PTPRD: variants seen among roughly 807,000 people sequenced by gnomAD.
The protein encoded by PTPRD is receptor-type tyrosine-protein phosphatase delta.
Under a neutral mutation model 214.5 loss-of-function variants are expected in PTPRD, and 34 were observed. The ratio of observed to expected loss-of-function variants is 0.16; its 90% CI spans 0.12 to 0.21. The LOEUF (loss-of-function observed/expected upper bound fraction) is 0.21, where lower values mean the gene tolerates loss of function less well. Among genes scored for constraint, PTPRD ranks in the 10% least tolerant of loss-of-function variants. The pLI is 1.00. For synonymous variants in PTPRD, 1,128 were observed against 845.7 expected (o/e 1.33, Z -5.79); for missense variants, 2,545 against 2,398.7 (o/e 1.06, Z -1.27).
chr9:8,638,361 CTGTT>C (rs1347633858), intron 12 of PTPRD, among the ~76,000 whole-genome samples: 1 of 151,962 alleles, frequency 6.6e-6, no homozygotes, highest in South Asian at 2.1e-4. Flanking sequence ...TGTTCTGACT[CTGTT>C]TGGTTTTCTT....
In PTPRD at chr9:8,353,830, A is replaced by ATGTGTATATG. The variant is rs139972204; in HGVS notation, c.4662-11853_4662-11852insCATATACACA. On this transcript the variant is annotated intron_variant, in intron 39 of 45. Coordinates refer to ENST00000381196, the MANE Select transcript of PTPRD (RefSeq NM_002839.4). ...TTCTCAAAAAAAAATATATGTATATATGTATATATGTATATATGTATATAT... is the reference window on the plus strand; with the variant it reads ...TTCTCAAAAAAAAATATATGTATATATGTGTATATGTGTATATATGTATATATGTATATAT... Among the ~76,000 whole-genome samples, 3 of 27,674 alleles carry ATGTGTATATG rather than the reference A, an allele frequency of 1.1e-4. 1 individual carries two copies. Among genetic ancestry groups the ATGTGTATATG allele is most frequent in the African/African-American group, 3.8e-4 (3 of 7,840 alleles). 18.2% of individuals were successfully genotyped at this position (27,674 alleles called of 152,430 possible).
intron 10 of PTPRD, among the ~76,000 whole-genome samples, chr9:9,141,309 T>A (rs557143441): frequency 6.6e-6 from 1 of 150,866 alleles, no homozygotes; most frequent in Non-Finnish European, 1.5e-5. Flanking sequence ...AGTCATTTCA[T>A]GGAACACGGC....
chr9:8,608,716 T>A (rs2095333568), intron 14 of PTPRD, among the ~76,000 whole-genome samples: 1 of 152,162 alleles, frequency 6.6e-6, no homozygotes, highest in African/African-American at 2.4e-5. Flanking sequence ...ATGGATGATG[T>A]AAACAGAACT....
intron 5 of PTPRD, among the ~76,000 whole-genome samples, chr9:9,841,817 C>T (rs2058392753): frequency 6.6e-6 from 1 of 151,950 alleles, no homozygotes; most frequent in African/African-American, 2.4e-5. Flanking sequence ...CATTCATGTA[C>T]CTTAGGTTAA....
At chr9:9,919,575 C>T (rs138010047) in intron 5 of PTPRD, among the ~76,000 whole-genome samples, 4 of 152,170 alleles carry the variant, frequency 2.6e-5, no homozygotes, top group African/African-American at 9.7e-5. Flanking sequence ...TGTAACTCCC[C>T]TATCAGCACA....
intron 10 of PTPRD, among the ~76,000 whole-genome samples, chr9:9,077,172 T>C (rs1294124206): frequency 6.7e-6 from 1 of 150,332 alleles, no homozygotes; most frequent in African/African-American, 2.4e-5. Flanking sequence ...TTTTTTTCTG[T>C]AGAGTTGGTT....
intron 10 of PTPRD, among the ~76,000 whole-genome samples, chr9:9,115,098 G>A (rs909549953): frequency 6.6e-6 from 1 of 152,128 alleles, no homozygotes; most frequent in Non-Finnish European, 1.5e-5. Context: ...AGTCTACGGT[G>A]TTGTTGGAGG....
intron 7 of PTPRD, among the ~76,000 whole-genome samples, chr9:9,659,610 C>A (rs2096584736): frequency 6.6e-6 from 1 of 151,712 alleles, no homozygotes; most frequent in Non-Finnish European, 1.5e-5. Context: ...ATACAAAATA[C>A]CCTGAAAAAA....
At chr9:8,720,572 C>A (rs561853639) in intron 12 of PTPRD, among the ~76,000 whole-genome samples, 8 of 152,258 alleles carry the variant, frequency 5.3e-5, no homozygotes, top group African/African-American at 1.4e-4. Context: ...GACCTTACTG[C>A]TGACAATTTA....
At chr9:8,429,240 T>A (rs1305874243) in intron 35 of PTPRD, among the ~76,000 whole-genome samples, 2 of 144,956 alleles carry the variant, frequency 1.4e-5, no homozygotes, top group African/African-American at 5.0e-5. Flanking sequence ...TTATATCAGG[T>A]AAGTTAAGGT....
rs373185633 is a variant in PTPRD at position 9,620,052 on chromosome 9, C to T, written c.-286-45271G>A. Among the ~76,000 whole-genome samples the T allele has an allele frequency of 6.8e-4, 104 of 151,882 alleles. 3 individuals are homozygous for T. The South Asian group carries it at 0.021, about 30-fold the overall frequency. On this transcript the variant is annotated intron_variant, in intron 7 of 45. Transcript: ENST00000381196. Reference sequence around the variant, plus strand: ...CAGTATGTAGAATGGGCATTGTTAACCTTGTATGGTTTTCCTTGGCATTGA... The same window carrying T: ...CAGTATGTAGAATGGGCATTGTTAATCTTGTATGGTTTTCCTTGGCATTGA...
intron 3 of PTPRD, among the ~76,000 whole-genome samples, chr9:10,099,429 A>G (rs576117954): frequency 6.6e-6 from 1 of 151,932 alleles, no homozygotes; most frequent in East Asian, 1.9e-4. Context: ...CTGCACTACT[A>G]TATGAGTTAT....
rs140845420 is a variant in PTPRD at position 8,902,778 on chromosome 9, C to T, written c.-104+115919G>A. On this transcript the variant is annotated intron_variant, in intron 11 of 45. Coordinates refer to ENST00000381196, the MANE Select transcript of PTPRD (RefSeq NM_002839.4). ...GCAAATCTGTCCAACACATGGTATA[C>T]GGTGGTTAAAAAATCTATTTGAATT... 2.0e-4 allele frequency among the ~76,000 whole-genome samples: 31 copies of T among 152,194 alleles called. No individual in the cohort carries two copies. The East Asian group carries it at 3.3e-3, about 16-fold the overall frequency.
intron 10 of PTPRD, among the ~76,000 whole-genome samples, chr9:9,139,539 T>C (rs2099856569): frequency 2.0e-5 from 3 of 152,166 alleles, no homozygotes; most frequent in Admixed American, 2.0e-4. Flanking sequence ...TGCTCTGTGA[T>C]ACCGCGACAG....
intron 5 of PTPRD, among the ~76,000 whole-genome samples, chr9:9,906,237 T>C (rs773066638): frequency 6.6e-6 from 1 of 151,928 alleles, no homozygotes; most frequent in Non-Finnish European, 1.5e-5. Flanking sequence ...TGTTATAAAA[T>C]ATTAAGGAAA....
chr9:8,790,221 G>A (rs745701897), intron 11 of PTPRD, among the ~76,000 whole-genome samples: 6 of 151,756 alleles, frequency 4.0e-5, no homozygotes, highest in South Asian at 2.1e-4. Context: ...TCACTACGTT[G>A]CCCAGACTGG....
At chr9:9,447,202 T>A (rs12378837) in intron 8 of PTPRD, among the ~76,000 whole-genome samples, 23,332 of 152,086 alleles carry the variant, frequency 0.15, 1,905 homozygotes, top group Middle Eastern at 0.29. Context: ...TCTATCATAA[T>A]GACACATGCA....
intron 11 of PTPRD, among the ~76,000 whole-genome samples, chr9:8,747,119 C>G (rs1252302042): frequency 1.3e-5 from 2 of 152,164 alleles, no homozygotes; most frequent in Non-Finnish European, 2.9e-5. Flanking sequence ...CCATCACAAA[C>G]TGAATATAGA....
chr9:9,615,874 A>G (rs2094828092), intron 7 of PTPRD, among the ~76,000 whole-genome samples: 1 of 152,196 alleles, frequency 6.6e-6, no homozygotes, highest in Admixed American at 6.5e-5. Flanking sequence ...GGGCTTCAAA[A>G]CAAGTCCTCT....
Sources: allele counts gnomAD v4.1 joint callset (sites outside exome capture counted in the v4.1 genomes callset), GRCh38; gene constraint gnomAD v4.1.1; transcripts MANE v1.5; gene names NCBI Gene and HGNC (gene_info 2026-07-23, HGNC 2026-07-21).